The following ADK variants were observed in gnomAD, a reference collection of about 807,000 sequenced individuals.
ADK encodes adenosine kinase.
In ADK, 24 loss-of-function variants were observed where a neutral mutation model predicts 44.7. The observed-to-expected ratio is 0.54, with a 90% CI of 0.39 to 0.76. The LOEUF is 0.76. Ranked by LOEUF, ADK falls within the 30% of genes least tolerant of loss-of-function variation. The pLI, the probability that ADK is intolerant of heterozygous loss-of-function variation, is 0.00. For missense variants in ADK, 321 were observed against 425.1 expected (o/e 0.76, Z 2.15); for synonymous variants, 128 against 142.6 (o/e 0.90, Z 0.73).
At chr10:74,303,856 C>T (rs1286964536) in intron 3 of ADK, among the ~76,000 whole-genome samples, 2 of 151,190 alleles carry the variant, frequency 1.3e-5, no homozygotes, top group African/African-American at 4.9e-5. Flanking sequence ...GTAATCTCAG[C>T]TATTAGGGAG....
intron 4 of ADK, among the ~76,000 whole-genome samples, chr10:74,332,313 AT>A (rs1272109666): frequency 1.3e-5 from 2 of 152,166 alleles, no homozygotes; most frequent in African/African-American, 4.8e-5. Flanking sequence ...AAATGATTGT[AT>A]TTTTTTATTT....
At chr10:74,599,588 C>T (rs1852046689) in intron 8 of ADK, among the ~76,000 whole-genome samples, 1 of 152,184 alleles carries the variant, frequency 6.6e-6, no homozygotes, top group African/African-American at 2.4e-5. Flanking sequence ...CCACTGAATA[C>T]AGACATGGAT....
intron 4 of ADK, among the ~76,000 whole-genome samples, chr10:74,341,137 A>G (rs541726200): frequency 6.6e-6 from 1 of 152,278 alleles, no homozygotes; most frequent in South Asian, 2.1e-4. Context: ...ATAGTATACT[A>G]TAATAAGTAT....
intron 7 of ADK, chr10:74,527,610 A>G: frequency 1.3e-6 from 1 of 779,956 alleles, no homozygotes; most frequent in Non-Finnish European, 2.4e-6. Flanking sequence ...TTGCCGGTGC[A>G]GTGAGAGCAG....
intron 4 of ADK, among the ~76,000 whole-genome samples, chr10:74,345,282 G>A (rs1451784777): frequency 1.3e-5 from 2 of 149,710 alleles, no homozygotes; most frequent in Non-Finnish European, 3.0e-5. Flanking sequence ...TGTCTTTCTT[G>A]TGGGTGTTGT....
At chr10:74,634,377 G>C (rs1853549955) in intron 9 of ADK, among the ~76,000 whole-genome samples, 1 of 152,038 alleles carries the variant, frequency 6.6e-6, no homozygotes, top group African/African-American at 2.4e-5. Context: ...ACCATGCCCA[G>C]CTAATTTTGT....
intron 3 of ADK, among the ~76,000 whole-genome samples, chr10:74,264,576 T>A (rs573713091): frequency 6.6e-6 from 1 of 152,226 alleles, no homozygotes; most frequent in Non-Finnish European, 1.5e-5. Context: ...GTGCCTAGTA[T>A]GTGACTTGTC....
intron 9 of ADK, among the ~76,000 whole-genome samples, chr10:74,648,593 G>T (rs1398129891): frequency 1.3e-5 from 2 of 151,276 alleles, no homozygotes; most frequent in African/African-American, 2.4e-5. Flanking sequence ...CAGGAGAATC[G>T]CTTGAACCTG....
At chr10:74,602,105 C>CAAA (rs58400071) in intron 9 of ADK, among the ~76,000 whole-genome samples, 658 of 48,420 alleles carry the variant, frequency 0.014, 12 homozygotes, top group African/African-American at 0.023. Flanking sequence ...ACCCTGTCTC[C>CAAA]AAAAAAAAAA....
intron 9 of ADK, among the ~76,000 whole-genome samples, chr10:74,625,383 A>G (rs1309883868): frequency 2.0e-5 from 3 of 152,146 alleles, no homozygotes; most frequent in Non-Finnish European, 4.4e-5. Context: ...TGGGGCAACC[A>G]TCTCTGAAAT....
chr10:74,191,696 A>G (rs900479163), intron 1 of ADK, among the ~76,000 whole-genome samples: 4 of 152,226 alleles, frequency 2.6e-5, no homozygotes, highest in Non-Finnish European at 5.9e-5. Flanking sequence ...TTATAACTAT[A>G]GTGTGTTACC....
At chr10:74,184,834 A>C (rs75961886) in intron 1 of ADK, among the ~76,000 whole-genome samples, 2 of 152,316 alleles carry the variant, frequency 1.3e-5, no homozygotes, top group Non-Finnish European at 2.9e-5. Context: ...TGTTATTTGA[A>C]CTAGGACCAT....
chr10:74,500,517 CATTTTGAGCAACTTTCCGAGTG>C (rs769594631), intron 6 of ADK, among the ~76,000 whole-genome samples: 54 of 152,164 alleles, frequency 3.5e-4, no homozygotes, highest in Admixed American at 5.9e-4. Flanking sequence ...CAAGATATTG[CATTTTGAGCAACTTTCCGAGTG>C]ATTCAGAAAT....
At chr10:74,666,830 CTTTT>C (rs11317030) in intron 9 of ADK, among the ~76,000 whole-genome samples, 2 of 109,044 alleles carry the variant, frequency 1.8e-5, no homozygotes, top group Non-Finnish European at 3.9e-5. Flanking sequence ...AGTTTTGTGA[CTTTT>C]TTTTTTTTTT....
At chr10:74,700,432 A>C (rs1362122480) in intron 10 of ADK, among the ~76,000 whole-genome samples, 1 of 152,152 alleles carries the variant, frequency 6.6e-6, no homozygotes, top group African/African-American at 2.4e-5. Flanking sequence ...TAGTAGAGAC[A>C]GGATTTCACC....
At chr10:74,521,289 A>G (rs984807542) in intron 6 of ADK, among the ~76,000 whole-genome samples, 3 of 152,038 alleles carry the variant, frequency 2.0e-5, no homozygotes, top group Admixed American at 2.0e-4. Context: ...TTAAAAGTTG[A>G]CAAGTTTTGT....
At chr10:74,330,006 A>T (rs1219606389) in intron 4 of ADK, among the ~76,000 whole-genome samples, 1 of 19,510 alleles carries the variant, frequency 5.1e-5, no homozygotes, top group Admixed American at 6.1e-4. Context: ...TACAAATAAT[A>T]AAAAAAAAAA....
intron 9 of ADK, among the ~76,000 whole-genome samples, chr10:74,660,218 T>A (rs1191129123): frequency 2.0e-5 from 3 of 152,116 alleles, no homozygotes; most frequent in Non-Finnish European, 2.9e-5. Flanking sequence ...AATTTCCGCC[T>A]CCTGGACTCA....
intron 1 of ADK, among the ~76,000 whole-genome samples, chr10:74,184,392 C>T (rs1247958103): frequency 1.3e-5 from 2 of 152,028 alleles, no homozygotes; most frequent in Non-Finnish European, 1.5e-5. Flanking sequence ...TGCAGTAGTG[C>T]AATCATGGCT....
Sources: allele counts gnomAD v4.1 joint callset (sites outside exome capture counted in the v4.1 genomes callset), GRCh38; gene constraint gnomAD v4.1.1; transcripts MANE v1.5; gene names NCBI Gene and HGNC (gene_info 2026-07-23, HGNC 2026-07-21).